The following GDPD1 variants were observed in gnomAD, a reference collection of about 807,000 sequenced individuals.
GDPD1 encodes the protein glycerophosphodiester phosphodiesterase domain containing 1, also known as lysophospholipase D GDPD1.
Under a neutral mutation model 45.1 loss-of-function variants are expected in GDPD1, and 28 were observed. That is an observed-to-expected ratio of 0.62 (90% CI 0.46 to 0.85). The LOEUF is 0.85. GDPD1 is among the 40% of genes least tolerant of loss of function. The pLI, the probability that GDPD1 is intolerant of heterozygous loss-of-function variation, is 0.00. For missense variants in GDPD1, 256 were observed against 364.8 expected, an observed-to-expected ratio of 0.70 and a Z score of 2.43; for synonymous variants, 139 against 131.4, an observed-to-expected ratio of 1.06 and a Z score of -0.40.
rs1396798001 is a variant in GDPD1 at position 59,259,738 on chromosome 17, C to CA, written c.576+1913dup. Reference sequence around the variant, plus strand: ...TGGGTGACAGAACAAGACTCCATCTCAAAAAAAAAAAAAAAGAAAGGAAAA... The same window carrying CA: ...TGGGTGACAGAACAAGACTCCATCTCAAAAAAAAAAAAAAAAGAAAGGAAAA... On this transcript the variant is annotated intron_variant, in intron 6 of 9. Coordinates refer to ENST00000284116, the MANE Select transcript of GDPD1 (RefSeq NM_182569.4). 1.0e-2 allele frequency among the ~76,000 whole-genome samples: 1,021 copies of CA among 102,184 alleles called. 6 individuals carry two copies. Among genetic ancestry groups the CA allele is most frequent in the African/African-American group, 0.023 (636 of 27,674 alleles). The allele number at this position is 102,184 out of a possible 152,430, so 67.0% of individuals were successfully genotyped here.
At chr17:59,225,782 T>G (rs900343307) in intron 1 of GDPD1, among the ~76,000 whole-genome samples, 3 of 152,078 alleles carry the variant, frequency 2.0e-5, no homozygotes, top group Admixed American at 2.0e-4. Context: ...AGTGCAGTGG[T>G]GGGATCTTAG....
intron 2 of GDPD1, among the ~76,000 whole-genome samples, chr17:59,239,231 G>A (rs2047157470): frequency 1.3e-5 from 2 of 152,206 alleles, no homozygotes; most frequent in Admixed American, 1.3e-4. Flanking sequence ...CAACCTCAGT[G>A]TTGTGAAGAG....
intron 2 of GDPD1, among the ~76,000 whole-genome samples, chr17:59,243,564 G>A (rs1246578975): frequency 1.3e-5 from 2 of 151,962 alleles, no homozygotes; most frequent in East Asian, 3.9e-4. Context: ...CTGGGTTGCA[G>A]TTTTATCCTG....
chr17:59,243,594 C>T (rs1298982617), intron 2 of GDPD1, among the ~76,000 whole-genome samples: 1 of 151,992 alleles, frequency 6.6e-6, no homozygotes. Context: ...TTCAGTCTTT[C>T]AGCCATCAGG....
At position 59,275,131 on chromosome 17, in the gene GDPD1, T is replaced by A; in HGVS notation, c.*1358T>A. On this transcript the variant is annotated 3_prime_UTR_variant, in exon 10 of 10. Coordinates refer to ENST00000284116, the MANE Select transcript of GDPD1 (RefSeq NM_182569.4). ...TGCTGGGATTACAGGTTTGAACCAC[T>A]GCACCCGGCCAGTAAAAGAAATTTT... is the stretch of plus-strand genomic sequence containing the variant. The A allele has an allele frequency of 6.5e-7, 1 of 1,535,118 alleles. No individual in the cohort carries two copies. Among genetic ancestry groups the A allele is most frequent in the South Asian group, 1.2e-5 (1 of 83,982 alleles).
chr17:59,220,534 C>A lies in GDPD1; in HGVS notation c.-76C>A. On this transcript the variant is annotated 5_prime_UTR_variant, in exon 1 of 10. Coordinates refer to ENST00000284116, the MANE Select transcript of GDPD1 (RefSeq NM_182569.4). The stretch of plus-strand genomic sequence containing the variant: ...GCGAGCCGACCTCGAGCAGCCGCCG[C>A]CGCCGCCGTCGTTGCTACTGCCGCA... 1 of 1,521,660 alleles carries A rather than the reference C, an allele frequency of 6.6e-7. No individual in the cohort carries two copies. The allele number at this position is 1,521,660 out of a possible 1,614,324, so 94.3% of individuals were successfully genotyped here.
At chr17:59,224,909 A>G (rs1288334875) in intron 1 of GDPD1, among the ~76,000 whole-genome samples, 3 of 152,128 alleles carry the variant, frequency 2.0e-5, no homozygotes, top group Non-Finnish European at 4.4e-5. Context: ...CTGTGTGACA[A>G]TGGGTATATA....
chr17:59,251,170 C>G (rs970517964), intron 4 of GDPD1, among the ~76,000 whole-genome samples: 1 of 152,180 alleles, frequency 6.6e-6, no homozygotes, highest in African/African-American at 2.4e-5. Flanking sequence ...GACCAGTGTT[C>G]AGCTGTACCA....
rs1274421709 is a variant in GDPD1, at chr17:59,255,786, CGCGTATATATGT to C, written c.368-1335_368-1324del. Reference sequence around the variant, plus strand: ...AAATATATATATATATATATATATACGCGTATATATGTATATATATATATACGCGTATATATA... The same window carrying C: ...AAATATATATATATATATATATATACATATATATATATACGCGTATATATA... On this transcript the variant is annotated intron_variant, in intron 4 of 9. Transcript: ENST00000284116. Among the ~76,000 whole-genome samples the C allele has an allele frequency of 1.6e-3, 64 of 40,410 alleles. 5 individuals are homozygous for C. In the East Asian group the frequency reaches 0.035, roughly 22 times the overall value. The allele number at this position is 40,410 out of a possible 152,430, so 26.5% of individuals were successfully genotyped here.
At chr17:59,224,047 C>A (rs573915974) in intron 1 of GDPD1, among the ~76,000 whole-genome samples, 174 of 152,272 alleles carry the variant, frequency 1.1e-3, no homozygotes, top group Non-Finnish European at 1.6e-3. Flanking sequence ...AGCTTGACAT[C>A]ATTTAATTCT....
At chr17:59,245,622 A>G (rs2047204866) in intron 3 of GDPD1, 73 bp downstream of exon 3, 3 of 1,140,310 alleles carry the variant, frequency 2.6e-6, no homozygotes, top group East Asian at 2.5e-5. Flanking sequence ...AAAATAGCGA[A>G]TATCAGCAAA....
At chr17:59,270,531 G>A (rs1463517185) in intron 7 of GDPD1, among the ~76,000 whole-genome samples, 1 of 151,978 alleles carries the variant, frequency 6.6e-6, no homozygotes, top group Non-Finnish European at 1.5e-5. Context: ...AAAACACGTG[G>A]TAAACTGCTC....
At chr17:59,256,933 G>A (rs945363511) in intron 4 of GDPD1, among the ~76,000 whole-genome samples, 189 bp from the exon 5 acceptor site, 1 of 152,074 alleles carries the variant, frequency 6.6e-6, no homozygotes, top group Non-Finnish European at 1.5e-5. Context: ...TAGGAAAAAA[G>A]AGTAGAGAAA....
chr17:59,251,546 A>G (rs963301874), intron 4 of GDPD1, among the ~76,000 whole-genome samples: 37 of 151,770 alleles, frequency 2.4e-4, no homozygotes, highest in Non-Finnish European at 3.5e-4. Flanking sequence ...ATGCTGTGGA[A>G]AAAAAAAAGA....
chr17:59,265,409 A>G (rs2047391435), intron 6 of GDPD1, among the ~76,000 whole-genome samples: 1 of 151,634 alleles, frequency 6.6e-6, no homozygotes, highest in African/African-American at 2.4e-5. Flanking sequence ...ATGGTGGTGC[A>G]TGTCTGTAGT....
chr17:59,267,253 C>A, intron 7 of GDPD1, 79 bp downstream of exon 7: 2 of 1,265,572 alleles, frequency 1.6e-6, no homozygotes, highest in Non-Finnish European at 1.1e-6. Context: ...ATATCAATAT[C>A]AATGATGAAG....
At chr17:59,227,709 C>T (rs939289415) in intron 1 of GDPD1, among the ~76,000 whole-genome samples, 6 of 151,964 alleles carry the variant, frequency 3.9e-5, no homozygotes, top group Non-Finnish European at 8.8e-5. Context: ...AATCTAATGC[C>T]ATTGGTTATA....
chr17:59,244,521 T>C (rs2047197066), intron 2 of GDPD1, among the ~76,000 whole-genome samples: 1 of 152,064 alleles, frequency 6.6e-6, no homozygotes. Flanking sequence ...TTAGTAGAGA[T>C]GGGGTTTCAC....
At chr17:59,260,294 C>T (rs535149764) in intron 6 of GDPD1, among the ~76,000 whole-genome samples, 1 of 151,880 alleles carries the variant, frequency 6.6e-6, no homozygotes, top group African/African-American at 2.4e-5. Context: ...GTAATCCCAG[C>T]ACTTTGGGAG....
Sources: allele counts gnomAD v4.1 joint callset (sites outside exome capture counted in the v4.1 genomes callset), GRCh38; gene constraint gnomAD v4.1.1; transcripts MANE v1.5; gene names NCBI Gene and HGNC (gene_info 2026-07-23, HGNC 2026-07-21).